NKAIN2: variants seen among roughly 807,000 people sequenced by gnomAD.
NKAIN2 encodes the protein sodium/potassium transporting ATPase interacting 2, also known as sodium/potassium-transporting ATPase subunit beta-1-interacting protein 2.
In NKAIN2, 14 loss-of-function variants were observed where a neutral mutation model predicts 32.6. The observed-to-expected ratio is 0.43, with a 90% CI of 0.28 to 0.67. The LOEUF (loss-of-function observed/expected upper bound fraction) is 0.67, where lower values mean the gene tolerates loss of function less well. Ranked by LOEUF, NKAIN2 falls within the 30% of genes least tolerant of loss-of-function variation. The probability of loss-of-function intolerance (pLI) is 0.17; values close to 1 mark genes in which losing one functional copy is unlikely to be tolerated. For synonymous variants in NKAIN2, 80 were observed against 87.2 expected (o/e 0.92, Z 0.46); for missense variants, 198 against 258.3 (o/e 0.77, Z 1.60).
chr6:124,360,624 G>C (rs934077102), intron 3 of NKAIN2, among the ~76,000 whole-genome samples: 1 of 151,800 alleles, frequency 6.6e-6, no homozygotes, highest in East Asian at 1.9e-4. Flanking sequence ...TAATCCACCG[G>C]AGAAACTTTT....
intron 5 of NKAIN2, among the ~76,000 whole-genome samples, chr6:124,808,841 G>C (rs1218924713): frequency 3.3e-5 from 5 of 152,110 alleles, no homozygotes; most frequent in Admixed American, 6.5e-5. Context: ...ACCAATAACA[G>C]ACAAACAGAG....
intron 1 of NKAIN2, among the ~76,000 whole-genome samples, chr6:123,947,722 A>G (rs1021776630): frequency 1.3e-5 from 2 of 152,156 alleles, no homozygotes; most frequent in African/African-American, 4.8e-5. Context: ...TTGGGTACCT[A>G]TCATCTCGAG....
In NKAIN2 at chr6:124,271,008, T is replaced by C. The variant is rs188193901; in HGVS notation, c.55-11997T>C. ...GGACCTGGTGGGACATCAGAGATGA[T>C]TGGATCCTGGGAGTGGTTTCCCCCA... is the stretch of plus-strand genomic sequence containing the variant. On this transcript the variant is annotated intron_variant, in intron 1 of 6. Coordinates refer to ENST00000368417, the MANE Select transcript of NKAIN2 (RefSeq NM_001040214.3). Among the ~76,000 whole-genome samples, 34 of 152,248 alleles carry C rather than the reference T, an allele frequency of 2.2e-4. No individual in the cohort carries two copies. In the East Asian group the frequency reaches 4.6e-3, roughly 21 times the overall value.
chr6:124,472,087 G>A (rs1024856795), intron 3 of NKAIN2, among the ~76,000 whole-genome samples: 2 of 151,900 alleles, frequency 1.3e-5, no homozygotes, highest in Non-Finnish European at 2.9e-5. Flanking sequence ...GAAATTATAG[G>A]TATTGTCTAC....
At chr6:124,152,764 G>C (rs190832190) in intron 1 of NKAIN2, among the ~76,000 whole-genome samples, 242 of 152,042 alleles carry the variant, frequency 1.6e-3, no homozygotes, top group Non-Finnish European at 2.4e-3. Flanking sequence ...CTAAGTATCT[G>C]TCAGTGGATG....
chr6:124,212,482 T>C (rs999381675), intron 1 of NKAIN2, among the ~76,000 whole-genome samples: 21 of 152,028 alleles, frequency 1.4e-4, no homozygotes, highest in African/African-American at 4.8e-4. Context: ...CACCTAGGAA[T>C]TGGTCCAATG....
chr6:124,070,907 G>A (rs1033058005), intron 1 of NKAIN2, among the ~76,000 whole-genome samples: 2 of 152,032 alleles, frequency 1.3e-5, no homozygotes, highest in Non-Finnish European at 1.5e-5. Context: ...TACAAAAACA[G>A]CATGGTACTG....
Position 124,658,312 on chromosome 6 carries a change from A to C in NKAIN2, c.400A>C (p.Ile134Leu). The C allele has an allele frequency of 6.2e-7, 1 of 1,614,136 alleles. No homozygotes were observed. The highest frequency in any genetic ancestry group is 8.5e-7 in the Non-Finnish European group (1 of 1,179,994). Residue 134 changes from isoleucine to leucine, a missense_variant, in exon 4 of 7, where the codon ATC (isoleucine) becomes CTC (leucine). Coordinates refer to ENST00000368417, the MANE Select transcript of NKAIN2 (RefSeq NM_001040214.3). ...PDWAPEDHRYITVSGCLLEYQ... is the reference protein window; with the variant it reads ...PDWAPEDHRYLTVSGCLLEYQ... ...CTGGGCCCCAGAAGACCATCGCTACATCACGGTCTCAGGGTGTTTGCTGGA... is the reference window on the plus strand; with the variant it reads ...CTGGGCCCCAGAAGACCATCGCTACCTCACGGTCTCAGGGTGTTTGCTGGA...
intron 1 of NKAIN2, among the ~76,000 whole-genome samples, chr6:123,976,634 T>C (rs1342726791): frequency 6.6e-6 from 1 of 151,012 alleles, no homozygotes; most frequent in Non-Finnish European, 1.5e-5. Context: ...TTATCCAGAG[T>C]TCACTGATTT....
intron 1 of NKAIN2, among the ~76,000 whole-genome samples, chr6:124,026,948 G>T (rs1335277489): frequency 6.6e-6 from 1 of 151,998 alleles, no homozygotes; most frequent in African/African-American, 2.4e-5. Flanking sequence ...AGAAGCTCAG[G>T]TTGTATGGAG....
At chr6:124,811,052 G>A (rs1252131654) in intron 5 of NKAIN2, among the ~76,000 whole-genome samples, 3 of 152,070 alleles carry the variant, frequency 2.0e-5, no homozygotes, top group Non-Finnish European at 4.4e-5. Flanking sequence ...TTTCAATTTG[G>A]CTTATGGTTG....
intron 3 of NKAIN2, among the ~76,000 whole-genome samples, chr6:124,424,243 C>T (rs376991869): frequency 3.9e-5 from 6 of 152,152 alleles, no homozygotes; most frequent in East Asian, 3.9e-4. Flanking sequence ...TCCGTCTGCT[C>T]GGCCTCCCAA....
chr6:124,360,438 T>G (rs1799230894), intron 3 of NKAIN2, among the ~76,000 whole-genome samples: 1 of 152,156 alleles, frequency 6.6e-6, no homozygotes, highest in Non-Finnish European at 1.5e-5. Context: ...AATGACTTAA[T>G]TTCAATAATA....
In NKAIN2 at chr6:124,547,043, TG is replaced by T. The variant is rs148066246; in HGVS notation, c.274-111141del. ...GAATAGCTGAATATAAATGAATCTC[TG>T]GCAAGTTATAGAACTACTATAAATG... On this transcript the variant is annotated intron_variant, in intron 3 of 6. Transcript: ENST00000368417. Among the ~76,000 whole-genome samples, 1,191 of 152,232 alleles carry T rather than the reference TG, an allele frequency of 7.8e-3. 24 individuals are homozygous for T. The highest frequency in any genetic ancestry group is 0.027 in the African/African-American group (1,120 of 41,538).
At chr6:123,909,086 T>C (rs1775032821) in intron 1 of NKAIN2, among the ~76,000 whole-genome samples, 1 of 152,126 alleles carries the variant, frequency 6.6e-6, no homozygotes, top group East Asian at 1.9e-4. Flanking sequence ...CCAGTCATTT[T>C]TTTTCTTTTT....
intron 4 of NKAIN2, among the ~76,000 whole-genome samples, chr6:124,708,225 T>C (rs1435486902): frequency 8.1e-4 from 120 of 147,402 alleles, no homozygotes; most frequent in African/African-American, 2.8e-3. Flanking sequence ...ACCAATACCA[T>C]GCTGTTTTGG....
intron 1 of NKAIN2, among the ~76,000 whole-genome samples, chr6:124,039,380 C>A (rs1172714970): frequency 6.6e-6 from 1 of 151,740 alleles, no homozygotes; most frequent in African/African-American, 2.4e-5. Context: ...TTGATTACTG[C>A]AAATGCGTTA....
At chr6:123,893,577 T>G (rs1465969437) in intron 1 of NKAIN2, among the ~76,000 whole-genome samples, 2 of 152,218 alleles carry the variant, frequency 1.3e-5, no homozygotes, top group Non-Finnish European at 2.9e-5. Flanking sequence ...TTTAAAGGAT[T>G]AGGCCATTGA....
At chr6:124,706,490 G>A (rs1317564916) in intron 4 of NKAIN2, among the ~76,000 whole-genome samples, 1 of 147,400 alleles carries the variant, frequency 6.8e-6, no homozygotes, top group Non-Finnish European at 1.5e-5. Flanking sequence ...GCTCCATGGA[G>A]GTCCTCAAAA....
Sources: gnomAD v4.1 joint callset for allele counts (sites outside exome capture counted in the v4.1 genomes callset) on GRCh38, gnomAD v4.1.1 for gene constraint, MANE v1.5 for transcripts, NCBI Gene and HGNC (gene_info 2026-07-23, HGNC 2026-07-21) for gene names.